The following SCAI variants were observed in gnomAD, a reference collection of about 807,000 sequenced individuals.
SCAI encodes the protein protein SCAI.
Under a neutral mutation model 92.2 loss-of-function variants are expected in SCAI, and 24 were observed. The ratio of observed to expected loss-of-function variants is 0.26; its 90% CI spans 0.19 to 0.37. The LOEUF is 0.37. SCAI is among the 10% of genes least tolerant of loss of function. The pLI, the probability that SCAI is intolerant of heterozygous loss-of-function variation, is 1.00. For synonymous variants in SCAI, 261 were observed against 258.6 expected, an observed-to-expected ratio of 1.01 and a Z score of -0.09; for missense variants, 450 against 736.2, an observed-to-expected ratio of 0.61 and a Z score of 4.50.
intron 2 of SCAI, among the ~76,000 whole-genome samples, chr9:125,107,407 CAAA>C (rs80318027): frequency 4.1e-5 from 3 of 72,764 alleles, no homozygotes; most frequent in Admixed American, 1.5e-4. Context: ...GACACTGTCT[CAAA>C]AAAAAAAAAA....
chr9:125,054,300 T>C (rs897451425), intron 3 of SCAI, among the ~76,000 whole-genome samples: 1 of 152,168 alleles, frequency 6.6e-6, no homozygotes, highest in Non-Finnish European at 1.5e-5. Flanking sequence ...CTTACTTAAT[T>C]TCAATAGGCA....
intron 2 of SCAI, among the ~76,000 whole-genome samples, chr9:125,110,160 G>A (rs1212692464): frequency 3.3e-5 from 5 of 152,278 alleles, no homozygotes; most frequent in African/African-American, 9.6e-5. Context: ...ATTTGAAAAA[G>A]TTTAAGATTG....
At chr9:124,988,851 C>G (rs1288006424) in intron 14 of SCAI, among the ~76,000 whole-genome samples, 4 of 152,128 alleles carry the variant, frequency 2.6e-5, no homozygotes, top group Non-Finnish European at 5.9e-5. Flanking sequence ...AAAAGTAAAT[C>G]CAGACCAGCC....
intron 3 of SCAI, among the ~76,000 whole-genome samples, chr9:125,042,562 A>G (rs775393498): frequency 6.7e-6 from 1 of 148,302 alleles, no homozygotes; most frequent in Non-Finnish European, 1.5e-5. Flanking sequence ...AATCTCTTCC[A>G]TTAACTTCTC....
chr9:124,997,982 T>G (rs2131626106), intron 13 of SCAI, among the ~76,000 whole-genome samples: 1 of 152,260 alleles, frequency 6.6e-6, no homozygotes, highest in South Asian at 2.1e-4. Context: ...TTTTTTAAGT[T>G]TTTGTAGAGA....
chr9:125,080,813 T>C (rs1834199215), intron 2 of SCAI, among the ~76,000 whole-genome samples: 1 of 152,192 alleles, frequency 6.6e-6, no homozygotes, highest in Admixed American at 6.5e-5. Flanking sequence ...CACTGTGATA[T>C]GGTTTGACTG....
intron 2 of SCAI, among the ~76,000 whole-genome samples, chr9:125,090,309 G>T (rs897194639): frequency 2.6e-5 from 4 of 152,118 alleles, no homozygotes; most frequent in Non-Finnish European, 4.4e-5. Context: ...TAGATAAGAA[G>T]AAGAGGAAGG....
At chr9:125,024,823 G>T (rs905864792) in intron 6 of SCAI, among the ~76,000 whole-genome samples, 2 of 152,180 alleles carry the variant, frequency 1.3e-5, no homozygotes, top group Non-Finnish European at 2.9e-5. Context: ...GCTCCTAGGA[G>T]GAGTGGCTGT....
At chr9:125,125,357 T>C (rs954216610) in intron 2 of SCAI, among the ~76,000 whole-genome samples, 2 of 152,260 alleles carry the variant, frequency 1.3e-5, no homozygotes, top group South Asian at 2.1e-4. Flanking sequence ...GGTGAAACCC[T>C]GTCTCTACTA....
intron 2 of SCAI, among the ~76,000 whole-genome samples, chr9:125,138,237 G>T (rs113484703): frequency 6.7e-6 from 1 of 149,294 alleles, no homozygotes; most frequent in South Asian, 2.1e-4. Context: ...TGGGGAAGTC[G>T]AACTATTATT....
At chr9:124,973,699 C>G (rs1173556345) in intron 15 of SCAI, among the ~76,000 whole-genome samples, 1 of 152,062 alleles carries the variant, frequency 6.6e-6, no homozygotes, top group Non-Finnish European at 1.5e-5. Flanking sequence ...TGGTGGCGAG[C>G]GCCTGTAATC....
intron 2 of SCAI, among the ~76,000 whole-genome samples, chr9:125,103,766 C>T (rs1834724063): frequency 6.6e-6 from 1 of 152,154 alleles, no homozygotes; most frequent in Non-Finnish European, 1.5e-5. Flanking sequence ...CTGAGTTTCA[C>T]AAACTTATAG....
chr9:124,967,469 G>C (rs1424062432), intron 17 of SCAI, among the ~76,000 whole-genome samples: 5 of 152,080 alleles, frequency 3.3e-5, no homozygotes, highest in Non-Finnish European at 7.4e-5. Context: ...ATTGACACAA[G>C]TATCTCTTTC....
chr9:125,001,178 T>C (rs779145145), intron 12 of SCAI, among the ~76,000 whole-genome samples: 3 of 152,026 alleles, frequency 2.0e-5, no homozygotes, highest in Admixed American at 1.3e-4. Flanking sequence ...AGAGATTTGT[T>C]TTCATTTCAA....
At chr9:125,013,129 C>T (rs975050481) in intron 9 of SCAI, among the ~76,000 whole-genome samples, 8 of 152,042 alleles carry the variant, frequency 5.3e-5, no homozygotes, top group Middle Eastern at 3.4e-3. Flanking sequence ...ACTAGAAAAG[C>T]GAGAGCAAAC....
chr9:125,073,785 T>C (rs922366904), intron 2 of SCAI, among the ~76,000 whole-genome samples: 1 of 152,128 alleles, frequency 6.6e-6, no homozygotes, highest in Non-Finnish European at 1.5e-5. Context: ...ATAAAATAAA[T>C]GTGTAAATAA....
intron 9 of SCAI, among the ~76,000 whole-genome samples, chr9:125,017,390 A>G (rs148240604): frequency 6.6e-6 from 1 of 152,314 alleles, no homozygotes; most frequent in East Asian, 1.9e-4. Flanking sequence ...TTAAGATAGT[A>G]TAACTATACA....
chr9:125,087,649 G>A (rs1227848355), intron 2 of SCAI, among the ~76,000 whole-genome samples: 5 of 152,138 alleles, frequency 3.3e-5, no homozygotes, highest in Admixed American at 6.6e-5. Context: ...CTTTTGTTTG[G>A]CCCATGTAGC....
intron 2 of SCAI, among the ~76,000 whole-genome samples, chr9:125,093,844 G>A (rs1418152411): frequency 1.3e-5 from 2 of 151,980 alleles, no homozygotes; most frequent in African/African-American, 2.4e-5. Context: ...GATTACAGGC[G>A]TGAGCCACCG....
Sources: gnomAD v4.1 joint callset for allele counts (sites outside exome capture counted in the v4.1 genomes callset) on GRCh38, gnomAD v4.1.1 for gene constraint, MANE v1.5 for transcripts, NCBI Gene and HGNC (gene_info 2026-07-23, HGNC 2026-07-21) for gene names.